Variants in RORA observed in about 807,000 individuals in gnomAD.
RORA encodes the protein RAR related orphan receptor A.
RORA carries 7 observed loss-of-function variants against 69.5 expected under a neutral mutation model. That is an observed-to-expected ratio of 0.10 (90% CI 0.06 to 0.19). RORA has a LOEUF of 0.19. Among genes scored for constraint, RORA ranks in the 10% least tolerant of loss-of-function variants. The probability of loss-of-function intolerance (pLI) is 1.00; values close to 1 mark genes in which losing one functional copy is unlikely to be tolerated. For missense variants in RORA, 457 were observed against 663.0 expected (o/e 0.69, Z 3.41); for synonymous variants, 261 against 240.8 (o/e 1.08, Z -0.78).
At chr15:60,824,934 C>T (rs1301620459) in intron 1 of RORA, among the ~76,000 whole-genome samples, 1 of 152,156 alleles carries the variant, frequency 6.6e-6, no homozygotes, top group Non-Finnish European at 1.5e-5. Context: ...GCAGTGACTT[C>T]ATAATGGAAT....
intron 1 of RORA, among the ~76,000 whole-genome samples, chr15:61,180,143 CAAAA>C (rs71456351): frequency 0.024 from 876 of 36,582 alleles, 4 homozygotes; most frequent in Non-Finnish European, 0.039. Context: ...GACTCCATCT[CAAAA>C]AAAAAAAAAA....
intron 1 of RORA, among the ~76,000 whole-genome samples, chr15:61,017,327 A>G (rs1895331133): frequency 6.6e-6 from 1 of 152,242 alleles, no homozygotes; most frequent in Non-Finnish European, 1.5e-5. Flanking sequence ...TGTTACATAC[A>G]GCATGGCTAA....
At chr15:60,698,088 T>G (rs944051671) in intron 1 of RORA, among the ~76,000 whole-genome samples, 1 of 152,208 alleles carries the variant, frequency 6.6e-6, no homozygotes, top group African/African-American at 2.4e-5. Flanking sequence ...ATTCTGTATT[T>G]TATTGTAGAC....
intron 1 of RORA, among the ~76,000 whole-genome samples, chr15:60,843,823 T>C (rs1383693585): frequency 6.6e-6 from 1 of 152,200 alleles, no homozygotes; most frequent in Non-Finnish European, 1.5e-5. Flanking sequence ...CCTGGGTCTC[T>C]GGTGCACTTG....
At chr15:60,997,039 T>TTGTGTGTGTGTGTG (rs10687177) in intron 1 of RORA, among the ~76,000 whole-genome samples, 17 of 148,424 alleles carry the variant, frequency 1.1e-4, no homozygotes, top group South Asian at 8.6e-4. Context: ...ATATTGGGGT[T>TTGTGTGTGTGTGTG]TGTGTGTGTG....
At chr15:61,205,930 G>C (rs2140931691) in intron 1 of RORA, among the ~76,000 whole-genome samples, 1 of 152,286 alleles carries the variant, frequency 6.6e-6, no homozygotes, top group African/African-American at 2.4e-5. Context: ...CCATGGTCGA[G>C]AGCAACCTTC....
chr15:60,974,504 G>T (rs1017223448), intron 1 of RORA, among the ~76,000 whole-genome samples: 1 of 152,116 alleles, frequency 6.6e-6, no homozygotes, highest in Non-Finnish European at 1.5e-5. Context: ...AGCTCCCTGG[G>T]GTGATAATGG....
intron 1 of RORA, among the ~76,000 whole-genome samples, chr15:61,155,970 C>G (rs963612073): frequency 6.6e-6 from 1 of 152,110 alleles, no homozygotes. Context: ...GAGAAGACAC[C>G]GTTGACGTCT....
At chr15:61,107,221 G>A (rs934314074) in intron 1 of RORA, among the ~76,000 whole-genome samples, 2 of 152,108 alleles carry the variant, frequency 1.3e-5, no homozygotes, top group African/African-American at 4.8e-5. Context: ...ATTAGAAAAC[G>A]CAGGCTCTTT....
At chr15:61,054,704 C>G (rs943109926) in intron 1 of RORA, among the ~76,000 whole-genome samples, 1 of 152,224 alleles carries the variant, frequency 6.6e-6, no homozygotes, top group South Asian at 2.1e-4. Flanking sequence ...AATGACACTA[C>G]GAGACAAGGC....
At chr15:60,657,295 G>A (rs543329376) in intron 2 of RORA, among the ~76,000 whole-genome samples, 84 of 152,042 alleles carry the variant, frequency 5.5e-4, no homozygotes, top group African/African-American at 1.9e-3. Context: ...ATTGCATCTT[G>A]GTGGGTCTAA....
chr15:60,983,758 G>C (rs926223688), intron 1 of RORA, among the ~76,000 whole-genome samples: 4 of 152,112 alleles, frequency 2.6e-5, no homozygotes, highest in African/African-American at 9.7e-5. Flanking sequence ...CTAAATAAAC[G>C]AATGAATACA....
intron 1 of RORA, among the ~76,000 whole-genome samples, chr15:61,060,270 G>A (rs562711281): frequency 2.0e-5 from 3 of 152,172 alleles, no homozygotes; most frequent in African/African-American, 4.8e-5. Flanking sequence ...GCCAAAGTGC[G>A]TGCCTGGCAA....
At chr15:60,975,394 C>T (rs1893847562) in intron 1 of RORA, among the ~76,000 whole-genome samples, 1 of 152,160 alleles carries the variant, frequency 6.6e-6, no homozygotes, top group African/African-American at 2.4e-5. Context: ...CAGGCTGAGT[C>T]CTGTCACTGT....
chr15:60,628,944 T>TTAGTGTGAAAGGCTC (rs2069661370), intron 2 of RORA, among the ~76,000 whole-genome samples: 1 of 152,138 alleles, frequency 6.6e-6, no homozygotes, highest in African/African-American at 2.4e-5. Flanking sequence ...CCGTTTTAGT[T>TTAGTGTGAAAGGCTC]CTCAAGCACA....
chr15:60,994,913 G>T (rs1894486725), intron 1 of RORA, among the ~76,000 whole-genome samples: 1 of 152,254 alleles, frequency 6.6e-6, no homozygotes, highest in Middle Eastern at 3.4e-3. Context: ...GCATTGGGGT[G>T]TCAAGGGCCA....
At chr15:61,097,916 G>C (rs1004219293) in intron 1 of RORA, among the ~76,000 whole-genome samples, 1 of 152,204 alleles carries the variant, frequency 6.6e-6, no homozygotes, top group South Asian at 2.1e-4. Flanking sequence ...TCAAGGCAAA[G>C]AATCTTCTCA....
chr15:61,143,359 T>A (rs73432748), intron 1 of RORA, among the ~76,000 whole-genome samples: 1,608 of 152,236 alleles, frequency 0.011, 21 homozygotes, highest in African/African-American at 0.036. Flanking sequence ...ATGGAAAGAC[T>A]CATTGTAAAG....
chr15:61,220,446 G>A (rs115150345), intron 1 of RORA, among the ~76,000 whole-genome samples: 68 of 152,304 alleles, frequency 4.5e-4, no homozygotes, highest in African/African-American at 1.3e-3. Context: ...ATATACATGT[G>A]TGTCCTCTGT....
Sources: allele counts gnomAD v4.1 joint callset (sites outside exome capture counted in the v4.1 genomes callset), GRCh38; gene constraint gnomAD v4.1.1; transcripts MANE v1.5; gene names NCBI Gene and HGNC (gene_info 2026-07-23, HGNC 2026-07-21).